The following THSD7B variants were observed in gnomAD, a reference collection of about 807,000 sequenced individuals.
THSD7B encodes thrombospondin type 1 domain containing 7B.
In THSD7B, 138 loss-of-function variants were observed where a neutral mutation model predicts 213.6. That is an observed-to-expected ratio of 0.65 (90% CI 0.56 to 0.74). The LOEUF is 0.74. Ranked by LOEUF, THSD7B falls within the 30% of genes least tolerant of loss-of-function variation. The pLI is 0.00. For missense variants in THSD7B, 1,931 were observed against 1,991.5 expected (o/e 0.97, Z 0.58); for synonymous variants, 742 against 687.0 (o/e 1.08, Z -1.25).
chr2:137,504,585 G>A (rs1356000505), intron 15 of THSD7B, among the ~76,000 whole-genome samples: 1 of 152,096 alleles, frequency 6.6e-6, no homozygotes, highest in African/African-American at 2.4e-5. Context: ...AAATATGATT[G>A]AACCACACAA....
chr2:137,014,423 G>T (rs1373619188), intron 2 of THSD7B, among the ~76,000 whole-genome samples: 2 of 152,208 alleles, frequency 1.3e-5, no homozygotes, highest in African/African-American at 2.4e-5. Flanking sequence ...AGAGTGGTCA[G>T]AGCGAGGCTC....
chr2:136,890,345 T>C (rs371510610), intron 2 of THSD7B, among the ~76,000 whole-genome samples: 3,039 of 8,464 alleles, frequency 0.36, 83 homozygotes, highest in Middle Eastern at 0.56. Flanking sequence ...TTCTTCTTCT[T>C]CTTCTTCTTC....
At chr2:137,368,864 C>A (rs1685479971) in intron 12 of THSD7B, among the ~76,000 whole-genome samples, 1 of 151,938 alleles carries the variant, frequency 6.6e-6, no homozygotes, top group African/African-American at 2.4e-5. Flanking sequence ...TTACCATCAT[C>A]TAATTTTCAG....
chr2:137,008,193 C>T (rs1366953845), intron 2 of THSD7B, among the ~76,000 whole-genome samples: 1 of 152,032 alleles, frequency 6.6e-6, no homozygotes, highest in African/African-American at 2.4e-5. Context: ...AGTGAAAAGC[C>T]CTTTCTGCAT....
In THSD7B at chr2:137,604,157, A is replaced by G. The variant is rs147161979; in HGVS notation, c.3424-12018A>G. Among the ~76,000 whole-genome samples the G allele has an allele frequency of 1.9e-3, 288 of 152,232 alleles. 3 individuals carry two copies. The highest frequency in any genetic ancestry group is 2.9e-3 in the Non-Finnish European group (200 of 68,014). On this transcript the variant is annotated intron_variant, in intron 17 of 27. Transcript: ENST00000409968. Reference sequence around the variant, plus strand: ...ACTCAATCAGATTCCTAATTCACTTATAATAAATATTTCTAATTGCTCATA... The same window carrying G: ...ACTCAATCAGATTCCTAATTCACTTGTAATAAATATTTCTAATTGCTCATA...
At chr2:136,983,358 G>GACACACACACACACACAC (rs778968995) in intron 2 of THSD7B, among the ~76,000 whole-genome samples, 5,037 of 105,050 alleles carry the variant, frequency 0.048, 213 homozygotes, top group South Asian at 0.073. Context: ...CAGACACACA[G>GACACACACACACACACAC]ACACACACAC....
chr2:137,663,955 G>A (rs1252550366), intron 26 of THSD7B, among the ~76,000 whole-genome samples: 5 of 152,176 alleles, frequency 3.3e-5, no homozygotes, highest in African/African-American at 1.2e-4. Flanking sequence ...AGGTTCAAGC[G>A]ATTCTCCTGC....
intron 2 of THSD7B, among the ~76,000 whole-genome samples, chr2:136,941,097 C>G (rs1050395877): frequency 6.6e-6 from 1 of 151,964 alleles, no homozygotes; most frequent in African/African-American, 2.4e-5. Flanking sequence ...TGAGTGAGAA[C>G]ATGTGGTGTT....
At chr2:137,139,323 A>G (rs1373289507) in intron 5 of THSD7B, among the ~76,000 whole-genome samples, 1 of 152,146 alleles carries the variant, frequency 6.6e-6, no homozygotes, top group Admixed American at 6.6e-5. Flanking sequence ...CATCTGAGAA[A>G]TTCCTCAGCT....
chr2:137,676,497 A>C, intron 27 of THSD7B, 27 bp from the exon 28 acceptor site: 1 of 1,562,564 alleles, frequency 6.4e-7, no homozygotes, highest in Non-Finnish European at 8.6e-7. Flanking sequence ...AACTTACTTG[A>C]TCTGAGGAAT....
At position 137,553,087 on chromosome 2, in the gene THSD7B, C is replaced by T. The variant is rs541740665; in HGVS notation, c.3139-10134C>T. Among the ~76,000 whole-genome samples, 5 of 152,318 alleles carry T rather than the reference C, an allele frequency of 3.3e-5. No individual in the cohort carries two copies. The South Asian group carries it at 1.0e-3, about 32-fold the overall frequency. ...TGTTCCTAGAGACCATTTCCCCTAACATTCCAATGAAATCGACATTGAATA... is the reference window on the plus strand; with the variant it reads ...TGTTCCTAGAGACCATTTCCCCTAATATTCCAATGAAATCGACATTGAATA... On this transcript the variant is annotated intron_variant, in intron 15 of 27. Coordinates refer to ENST00000409968, the MANE Select transcript of THSD7B (RefSeq NM_001316349.2).
At chr2:136,830,914 A>C (rs1013243482) in intron 1 of THSD7B, among the ~76,000 whole-genome samples, 7 of 152,196 alleles carry the variant, frequency 4.6e-5, no homozygotes, top group Admixed American at 3.9e-4. Context: ...ATCCCCCTTG[A>C]TTCCTTTTGG....
At chr2:137,357,123 T>A (rs1015158873) in intron 12 of THSD7B, among the ~76,000 whole-genome samples, 6 of 152,172 alleles carry the variant, frequency 3.9e-5, no homozygotes, top group African/African-American at 1.2e-4. Flanking sequence ...TATACGTGTA[T>A]GATTCACTAC....
At chr2:137,043,418 T>G (rs1484438487) in intron 2 of THSD7B, among the ~76,000 whole-genome samples, 1 of 152,076 alleles carries the variant, frequency 6.6e-6, no homozygotes, top group Non-Finnish European at 1.5e-5. Context: ...GAGTCCTAGG[T>G]GTTTCTCAGT....
intron 20 of THSD7B, among the ~76,000 whole-genome samples, chr2:137,624,479 G>A (rs1054903561): frequency 6.6e-6 from 1 of 152,058 alleles, no homozygotes; most frequent in African/African-American, 2.4e-5. Flanking sequence ...TAGACAAATG[G>A]GATCTAATTA....
intron 15 of THSD7B, among the ~76,000 whole-genome samples, chr2:137,466,885 C>T (rs1688002345): frequency 6.6e-6 from 1 of 152,102 alleles, no homozygotes; most frequent in African/African-American, 2.4e-5. Context: ...GTTTTGTCAT[C>T]TTCAGTGTTG....
intron 2 of THSD7B, among the ~76,000 whole-genome samples, chr2:136,905,046 A>G (rs1684135683): frequency 6.6e-6 from 1 of 152,156 alleles, no homozygotes; most frequent in Admixed American, 6.5e-5. Flanking sequence ...GTGTAATGCG[A>G]TCCTCATGGG....
chr2:137,071,326 T>C (rs999977911), intron 3 of THSD7B, among the ~76,000 whole-genome samples: 1 of 152,244 alleles, frequency 6.6e-6, no homozygotes, highest in African/African-American at 2.4e-5. Context: ...GAGCATTTCT[T>C]CATGTGTCTT....
intron 2 of THSD7B, among the ~76,000 whole-genome samples, chr2:136,886,955 G>T (rs898365371): frequency 6.6e-6 from 1 of 152,174 alleles, no homozygotes; most frequent in Admixed American, 6.5e-5. Flanking sequence ...AAAGAGGTAG[G>T]ATTTAAATAT....
Sources: gnomAD v4.1 joint callset for allele counts (sites outside exome capture counted in the v4.1 genomes callset) on GRCh38, gnomAD v4.1.1 for gene constraint, MANE v1.5 for transcripts, NCBI Gene and HGNC (gene_info 2026-07-23, HGNC 2026-07-21) for gene names.